DCLK2: variants seen among roughly 807,000 people sequenced by gnomAD.
The protein encoded by DCLK2 is serine/threonine-protein kinase DCLK2.
A neutral mutation model predicts 78.4 loss-of-function variants in DCLK2; 31 were observed. The observed-to-expected ratio is 0.40, with a 90% CI of 0.30 to 0.53. The LOEUF (loss-of-function observed/expected upper bound fraction) is 0.53. Among genes scored for constraint, DCLK2 ranks in the 20% least tolerant of loss-of-function variants. DCLK2 has a pLI of 0.61. For missense variants in DCLK2, 872 were observed against 973.7 expected, an observed-to-expected ratio of 0.90 and a Z score of 1.39; for synonymous variants, 407 against 374.9, an observed-to-expected ratio of 1.09 and a Z score of -0.99.
Position 150,206,596 on chromosome 4 carries a change from T to G in DCLK2, c.1056+2707T>G, listed in dbSNP as rs573058243. Among the ~76,000 whole-genome samples, 76 of 152,330 alleles carry G rather than the reference T, an allele frequency of 5.0e-4. 1 individual carries two copies. The highest frequency in any genetic ancestry group is 1.0e-3 in the Non-Finnish European group (68 of 68,016). Reference sequence around the variant, plus strand: ...AAGACTTTTGATTTTAAATGACCTCTAAAATGCTAGGAATATAGTTCTGTT... The same window carrying G: ...AAGACTTTTGATTTTAAATGACCTCGAAAATGCTAGGAATATAGTTCTGTT... On this transcript the variant is annotated intron_variant, in intron 5 of 15. Coordinates refer to ENST00000296550, the MANE Select transcript of DCLK2 (RefSeq NM_001040260.4).
chr4:150,156,993 C>G (rs939151322), intron 2 of DCLK2, among the ~76,000 whole-genome samples: 3 of 151,630 alleles, frequency 2.0e-5, no homozygotes, highest in Non-Finnish European at 2.9e-5. Flanking sequence ...AGATCTCGAA[C>G]TCCTGGACTC....
At chr4:150,231,147 T>C (rs959146097) in intron 8 of DCLK2, among the ~76,000 whole-genome samples, 17 of 152,262 alleles carry the variant, frequency 1.1e-4, no homozygotes, top group African/African-American at 4.1e-4. Context: ...TGGGCTTGGA[T>C]GTCAGAAACC....
At chr4:150,188,904 C>CAAAAAA (rs59096633) in intron 2 of DCLK2, among the ~76,000 whole-genome samples, 2 of 94,122 alleles carry the variant, frequency 2.1e-5, no homozygotes, top group Non-Finnish European at 4.3e-5. Flanking sequence ...GACTCTGTCT[C>CAAAAAA]AAAAAAAAAA....
intron 2 of DCLK2, among the ~76,000 whole-genome samples, chr4:150,151,368 A>G (rs903615310): frequency 3.3e-5 from 5 of 152,216 alleles, no homozygotes; most frequent in African/African-American, 1.2e-4. Context: ...TTCACATCAC[A>G]TATTGGGACA....
At position 150,224,668 on chromosome 4, in the gene DCLK2, G is replaced by T. The variant is rs560426205; in HGVS notation, c.1299+110G>T. On this transcript the variant is annotated intron_variant, in intron 8 of 15. Transcript: ENST00000296550. The stretch of plus-strand genomic sequence containing the variant: ...ACTTGACACAACTATCACAGCAGGA[G>T]TAGAGACCAGTAATAGTGGGAAAAA... The T allele has an allele frequency of 1.0e-5, 8 of 778,674 alleles. No homozygotes were observed. In the African/African-American group the frequency reaches 1.2e-4, roughly 12 times the overall value. The allele number at this position is 778,674 out of a possible 1,614,324, so 48.2% of individuals were successfully genotyped here. A position where few individuals can be genotyped will look rare whatever the true frequency, so the allele number is the denominator to read the frequency against.
intron 2 of DCLK2, among the ~76,000 whole-genome samples, chr4:150,110,492 G>T (rs1731598451): frequency 6.6e-6 from 1 of 151,200 alleles, no homozygotes; most frequent in South Asian, 2.1e-4. Context: ...GTGCATTTTT[G>T]AATTTCAGTA....
intron 2 of DCLK2, among the ~76,000 whole-genome samples, chr4:150,113,697 CTTT>C (rs59728799): frequency 1.4e-5 from 2 of 141,340 alleles, no homozygotes; most frequent in Admixed American, 7.0e-5. Flanking sequence ...AAGAACCAAC[CTTT>C]TTTTTTTTTC....
chr4:150,229,113 G>C (rs1224334087), intron 8 of DCLK2, among the ~76,000 whole-genome samples: 1 of 152,210 alleles, frequency 6.6e-6, no homozygotes, highest in East Asian at 1.9e-4. Flanking sequence ...GCTGAGGTGG[G>C]AGGATTCCTT....
intron 15 of DCLK2, among the ~76,000 whole-genome samples, chr4:150,250,966 ACCACACAT>A (rs1254284781): frequency 0.073 from 31 of 422 alleles, 11 homozygotes; most frequent in South Asian, 0.12. Context: ...CACCCCCCAC[ACCACACAT>A]CCCCCACACC....
At chr4:150,220,950 TA>T (rs1741143623) in intron 6 of DCLK2, among the ~76,000 whole-genome samples, 172 bp downstream of exon 6, 1 of 152,214 alleles carries the variant, frequency 6.6e-6, no homozygotes, top group African/African-American at 2.4e-5. Context: ...TACTTCAAGA[TA>T]AAGAAAAATC....
chr4:150,250,221 T>C (rs918712071), intron 15 of DCLK2, among the ~76,000 whole-genome samples: 1 of 152,190 alleles, frequency 6.6e-6, no homozygotes, highest in Non-Finnish European at 1.5e-5. Flanking sequence ...TTGGTAACAT[T>C]TTATGAGATG....
chr4:150,184,513 G>C (rs914391845), intron 2 of DCLK2, among the ~76,000 whole-genome samples: 2 of 151,978 alleles, frequency 1.3e-5, no homozygotes, highest in Admixed American at 6.6e-5. Flanking sequence ...TGTACTTCTG[G>C]AAAGAGTAAG....
At chr4:150,218,920 G>C (rs531385518) in intron 5 of DCLK2, among the ~76,000 whole-genome samples, 1 of 152,122 alleles carries the variant, frequency 6.6e-6, no homozygotes, top group African/African-American at 2.4e-5. Flanking sequence ...AATTTGGCTG[G>C]CCAGGCCAAA....
intron 2 of DCLK2, among the ~76,000 whole-genome samples, chr4:150,130,286 G>A (rs1341515244): frequency 6.6e-6 from 1 of 152,048 alleles, no homozygotes; most frequent in Non-Finnish European, 1.5e-5. Context: ...AATGAGAGAA[G>A]TGACAAAAGG....
chr4:150,113,536 A>G (rs1198569428), intron 2 of DCLK2, among the ~76,000 whole-genome samples: 1 of 152,134 alleles, frequency 6.6e-6, no homozygotes, highest in Non-Finnish European at 1.5e-5. Context: ...GTTTGTATGC[A>G]TAGAGATGTT....
chr4:150,197,988 T>C lies in DCLK2; in HGVS notation c.860-14T>C. ...AAAACCAGATTTAGTTAATGCACTTTTGTTCTTTTCTAGAATGTCGTGTCC... is the reference window on the plus strand; with the variant it reads ...AAAACCAGATTTAGTTAATGCACTTCTGTTCTTTTCTAGAATGTCGTGTCC... On this transcript the variant is annotated splice_polypyrimidine_tract_variant and intron_variant, in intron 3 of 15. Transcript: ENST00000296550. 6.2e-7 allele frequency: 1 copy of C among 1,602,272 alleles called. No individual in the cohort carries two copies. The highest frequency in any genetic ancestry group is 8.5e-7 in the Non-Finnish European group (1 of 1,176,002).
At chr4:150,138,907 G>A (rs1478131849) in intron 2 of DCLK2, among the ~76,000 whole-genome samples, 3 of 151,828 alleles carry the variant, frequency 2.0e-5, no homozygotes, top group Non-Finnish European at 4.4e-5. Flanking sequence ...CTTGTGATCT[G>A]CCCGCCTTGG....
At chr4:150,185,345 G>A (rs1737845256) in intron 2 of DCLK2, among the ~76,000 whole-genome samples, 1 of 152,108 alleles carries the variant, frequency 6.6e-6, no homozygotes, top group African/African-American at 2.4e-5. Context: ...CCAACGCGTG[G>A]GGATTACAGT....
In DCLK2 at chr4:150,195,425, AT is replaced by A. The variant is rs1246679659; in HGVS notation, c.859+2187del. Among the ~76,000 whole-genome samples, 4 of 4,392 alleles carry A rather than the reference AT, an allele frequency of 9.1e-4. 2 individuals carry two copies. Among genetic ancestry groups the A allele is most frequent in the African/African-American group, 1.2e-3 (2 of 1,620 alleles). The allele number at this position is 4,392 out of a possible 152,430, so 2.9% of individuals were successfully genotyped here. ...TTATATATTATATATATTATATAAT[AT>A]TATATATTATATATATAATATATAT... On this transcript the variant is annotated intron_variant, in intron 3 of 15. Coordinates refer to ENST00000296550, the MANE Select transcript of DCLK2 (RefSeq NM_001040260.4).
Sources: gnomAD v4.1 joint callset for allele counts (sites outside exome capture counted in the v4.1 genomes callset) on GRCh38, gnomAD v4.1.1 for gene constraint, MANE v1.5 for transcripts, NCBI Gene and HGNC (gene_info 2026-07-23, HGNC 2026-07-21) for gene names.